NYAP2: variants seen among roughly 807,000 people sequenced by gnomAD.
NYAP2 encodes neuronal tyrosine-phosphorylated phosphoinositide-3-kinase adaptor 2, also known as neuronal tyrosine-phosphorylated phosphoinositide-3-kinase adapter 2.
NYAP2 carries 23 observed loss-of-function variants against 50.4 expected under a neutral mutation model. That is an observed-to-expected ratio of 0.46 (90% CI 0.33 to 0.65). NYAP2 has a LOEUF of 0.65. Ranked by LOEUF, NYAP2 falls within the 30% of genes least tolerant of loss-of-function variation. NYAP2 has a pLI of 0.02. For missense variants in NYAP2, 885 were observed against 861.0 expected, an observed-to-expected ratio of 1.03 and a Z score of -0.35; for synonymous variants, 394 against 365.2, an observed-to-expected ratio of 1.08 and a Z score of -0.90.
chr2:225,472,607 T>A (rs1016592317), intron 3 of NYAP2, among the ~76,000 whole-genome samples: 1 of 152,196 alleles, frequency 6.6e-6, no homozygotes, highest in African/African-American at 2.4e-5. Flanking sequence ...ATTTTCAAGA[T>A]ATGCTCAGGG....
intron 5 of NYAP2, among the ~76,000 whole-genome samples, chr2:225,599,159 A>C (rs947850019): frequency 1.3e-5 from 2 of 152,166 alleles, no homozygotes; most frequent in East Asian, 3.9e-4. Context: ...GGCATACCCG[A>C]GTTCCCGAGT....
exon 7 of NYAP2, chr2:225,651,737 T>C (rs962105301): frequency 7.0e-6 from 5 of 717,972 alleles, no homozygotes; most frequent in Non-Finnish European, 9.0e-6. Flanking sequence ...TTCCTTGTGA[T>C]TGGTGGTGAA....
At chr2:225,574,090 A>G (rs1692127108) in intron 4 of NYAP2, among the ~76,000 whole-genome samples, 1 of 152,194 alleles carries the variant, frequency 6.6e-6, no homozygotes, top group Non-Finnish European at 1.5e-5. Context: ...TATCAGATTG[A>G]AATCAAGGTT....
intron 4 of NYAP2, among the ~76,000 whole-genome samples, chr2:225,578,117 G>C (rs1211418755): frequency 6.6e-6 from 1 of 151,986 alleles, no homozygotes; most frequent in Non-Finnish European, 1.5e-5. Context: ...ATTTTTAGTA[G>C]AGATGGGGTT....
At position 225,590,205 on chromosome 2, in the gene NYAP2, C is replaced by T. The variant is rs529368216; in HGVS notation, c.1618+7170C>T. On this transcript the variant is annotated intron_variant, in intron 5 of 6. Transcript: ENST00000636099. ...GGTTGCTCCTCTGCCGAGAGTCCCA[C>T]ACAGTGACCTCCTGTGGCCTCAGAC... Among the ~76,000 whole-genome samples, 17 of 152,332 alleles carry T rather than the reference C, an allele frequency of 1.1e-4. No individual in the cohort carries two copies. In the South Asian group the frequency reaches 3.5e-3, roughly 32 times the overall value.
intron 3 of NYAP2, among the ~76,000 whole-genome samples, chr2:225,474,020 C>A (rs1179222125): frequency 6.6e-6 from 1 of 152,182 alleles, no homozygotes; most frequent in African/African-American, 2.4e-5. Context: ...TTTCAGCTTT[C>A]TACATATGGC....
At chr2:225,510,994 A>G (rs1342388909) in intron 3 of NYAP2, among the ~76,000 whole-genome samples, 2 of 152,240 alleles carry the variant, frequency 1.3e-5, no homozygotes, top group Non-Finnish European at 2.9e-5. Context: ...GCCCATGTGC[A>G]TTAACACATG....
intron 5 of NYAP2, among the ~76,000 whole-genome samples, chr2:225,592,412 G>A (rs1049571393): frequency 6.6e-6 from 1 of 152,164 alleles, no homozygotes; most frequent in Non-Finnish European, 1.5e-5. Flanking sequence ...ACAAAGCAGC[G>A]CAAGGGGCCC....
rs11346817 is a variant in NYAP2, at chr2:225,548,886, ATT to A, written c.524-33042_524-33041del. 3.0e-3 allele frequency among the ~76,000 whole-genome samples: 437 copies of A among 146,564 alleles called. 1 individual carries two copies. Among genetic ancestry groups the A allele is most frequent in the African/African-American group, 7.3e-3 (292 of 40,222 alleles). On this transcript the variant is annotated intron_variant, in intron 4 of 6. Coordinates refer to ENST00000636099, the Ensembl canonical transcript of NYAP2. Reference sequence around the variant, plus strand: ...AAGTAAAATTTCTCAGAATGCAGCAATTTTTTTTTTTTTTGAGGCAGGGTCTT... The same window carrying A: ...AAGTAAAATTTCTCAGAATGCAGCAATTTTTTTTTTTTGAGGCAGGGTCTT...
chr2:225,595,678 T>C (rs1267140661), intron 5 of NYAP2, among the ~76,000 whole-genome samples: 1 of 152,210 alleles, frequency 6.6e-6, no homozygotes, highest in East Asian at 1.9e-4. Context: ...CCTGCAGAAT[T>C]CATTTTGGCA....
intron 3 of NYAP2, among the ~76,000 whole-genome samples, chr2:225,469,367 GA>G (rs1376145568): frequency 6.6e-6 from 1 of 152,178 alleles, no homozygotes; most frequent in Admixed American, 6.5e-5. Context: ...GGAACCAACA[GA>G]TGCTGGAGAG....
chr2:225,655,291 T>A (rs78011147), downstream of NYAP2, among the ~76,000 whole-genome samples: 3,815 of 152,276 alleles, frequency 0.025, 179 homozygotes, highest in African/African-American at 0.087. Context: ...ACTCAGAGAG[T>A]TAAAAATAAG....
the NYAP2 span, among the ~76,000 whole-genome samples, chr2:225,697,495 G>T: frequency 6.6e-6 from 1 of 151,852 alleles, no homozygotes; most frequent in African/African-American, 2.4e-5. Flanking sequence ...TTGATGAGAT[G>T]AATTATTAAA....
intron 5 of NYAP2, among the ~76,000 whole-genome samples, chr2:225,593,504 C>A (rs4674998): frequency 0.51 from 77,718 of 151,934 alleles, 20,466 homozygotes; most frequent in South Asian, 0.67. Flanking sequence ...TAATCCTTGA[C>A]TCCCAACTCA....
intron 5 of NYAP2, among the ~76,000 whole-genome samples, chr2:225,587,663 C>A (rs1002480115): frequency 9.2e-5 from 14 of 152,126 alleles, no homozygotes; most frequent in Admixed American, 6.6e-4. Flanking sequence ...GCTTCCAAAT[C>A]TAGCCCCTAA....
the NYAP2 span, among the ~76,000 whole-genome samples, chr2:225,684,822 A>T: frequency 6.6e-6 from 1 of 152,116 alleles, no homozygotes; most frequent in Non-Finnish European, 1.5e-5. Context: ...AAGTGCTGGG[A>T]TTATAGGCAT....
At chr2:225,673,048 C>T in the NYAP2 span, among the ~76,000 whole-genome samples, 1 of 151,694 alleles carries the variant, frequency 6.6e-6, no homozygotes, top group Admixed American at 6.6e-5. Context: ...ACTTACAGTT[C>T]CGCATGGCTG....
At chr2:225,521,104 G>A (rs1691047681) in intron 4 of NYAP2, among the ~76,000 whole-genome samples, 1 of 146,216 alleles carries the variant, frequency 6.8e-6, no homozygotes, top group African/African-American at 2.7e-5. Context: ...GAATGCTTGT[G>A]ATTTTTGTAC....
At chr2:225,414,387 AAT>A (rs1398008751) in intron 3 of NYAP2, among the ~76,000 whole-genome samples, 1 of 152,198 alleles carries the variant, frequency 6.6e-6, no homozygotes, top group Admixed American at 6.5e-5. Flanking sequence ...TTTAAATCCT[AAT>A]GGTTTTGTGC....
Sources: allele counts gnomAD v4.1 joint callset (sites outside exome capture counted in the v4.1 genomes callset), GRCh38; gene constraint gnomAD v4.1.1; transcripts MANE v1.5; gene names NCBI Gene and HGNC (gene_info 2026-07-23, HGNC 2026-07-21).